UBAP2L: variants seen among roughly 807,000 people sequenced by gnomAD.
The protein encoded by UBAP2L is ubiquitin associated protein 2 like.
In UBAP2L, 12 loss-of-function variants were observed where a neutral mutation model predicts 130.6. The observed-to-expected ratio is 0.09, with a 90% CI of 0.06 to 0.15. The LOEUF (loss-of-function observed/expected upper bound fraction) is 0.15, where lower values mean the gene tolerates loss of function less well. Among genes scored for constraint, UBAP2L ranks in the 10% least tolerant of loss-of-function variants. The probability of loss-of-function intolerance (pLI) is 1.00; values close to 1 mark genes in which losing one functional copy is unlikely to be tolerated. For synonymous variants in UBAP2L, 503 were observed against 524.7 expected (o/e 0.96, Z 0.57); for missense variants, 965 against 1,332.5 (o/e 0.72, Z 4.29).
chr1:154,220,705 G>C (rs1665598579), upstream of UBAP2L: 2 of 443,684 alleles, frequency 4.5e-6, no homozygotes, highest in Non-Finnish European at 8.2e-6. Flanking sequence ...GGCCATCCGT[G>C]CGTCACGTGG....
At chr1:154,229,753 C>T (rs1318541873) in intron 4 of UBAP2L, among the ~76,000 whole-genome samples, 2 of 152,180 alleles carry the variant, frequency 1.3e-5, no homozygotes, top group Admixed American at 6.5e-5. Flanking sequence ...CATGAGCCAC[C>T]GCACCTGGCC....
chr1:154,229,233 G>GAAAC (rs540016769), intron 4 of UBAP2L, among the ~76,000 whole-genome samples: 244 of 152,202 alleles, frequency 1.6e-3, no homozygotes, highest in African/African-American at 5.6e-3. Context: ...AGGTAGCAGA[G>GAAAC]AAACAAGCTT....
In UBAP2L at chr1:154,243,261, G is replaced by A; in HGVS notation, c.801G>A (p.Val267=). The change falls in exon 10 of 27, where the codon GTG becomes GTA. Residue 267 remains valine, a synonymous_variant. Coordinates refer to ENST00000428931, the MANE Select transcript of UBAP2L (RefSeq NM_014847.4). ...KIFTASNVSS[V]PLPAENVTIT... is the part of the protein sequence containing the mutation. The stretch of plus-strand genomic sequence containing the variant: ...TCACTGCCTCTAATGTGTCTTCAGT[G>A]CCTCTGCCTGCGGAGAATGTGACAA... 6 of 1,612,006 alleles carry A rather than the reference G, an allele frequency of 3.7e-6. No homozygotes were observed. Among genetic ancestry groups the A allele is most frequent in the Non-Finnish European group, 5.1e-6 (6 of 1,178,448 alleles).
chr1:154,255,114 T>C, intron 16 of UBAP2L, 38 bp from the exon 17 acceptor site: 1 of 1,608,242 alleles, frequency 6.2e-7, no homozygotes, highest in Non-Finnish European at 8.5e-7. Context: ...CATTCCCTTT[T>C]TTCTGATGAG....
At chr1:154,271,195 CAAG>C, downstream of UBAP2L, 1 of 411,660 alleles carries the variant, frequency 2.4e-6, no homozygotes, top group African/African-American at 2.0e-5. Flanking sequence ...TGGAGAGGAT[CAAG>C]AAGGAGCTGA....
intron 24 of UBAP2L, 140 bp downstream of exon 24, chr1:154,261,837 G>A: frequency 3.8e-6 from 3 of 786,270 alleles, no homozygotes; most frequent in South Asian, 1.7e-5. Context: ...ATGCTTGGCT[G>A]ACTTGGGTAT....
At chr1:154,265,322 C>T (rs1288799273) in intron 24 of UBAP2L, among the ~76,000 whole-genome samples, 1 of 152,178 alleles carries the variant, frequency 6.6e-6, no homozygotes, top group Non-Finnish European at 1.5e-5. Context: ...CTCTAGTACA[C>T]TGCTTCTAAA....
At chr1:154,226,117 C>A (rs1667859293) in intron 2 of UBAP2L, among the ~76,000 whole-genome samples, 1 of 152,186 alleles carries the variant, frequency 6.6e-6, no homozygotes, top group African/African-American at 2.4e-5. Flanking sequence ...CCCTGCCCCA[C>A]CTTGATACCT....
At chr1:154,250,889 C>G (rs1425686160) in intron 12 of UBAP2L, 152 bp from the exon 13 acceptor site, 1 of 642,794 alleles carries the variant, frequency 1.6e-6, no homozygotes, top group Non-Finnish European at 2.5e-6. Flanking sequence ...GTGATTGTCA[C>G]CTATAGAAAT....
At chr1:154,270,121 C>T in intron 26 of UBAP2L, 79 bp from the exon 27 acceptor site, 6 of 1,490,440 alleles carry the variant, frequency 4.0e-6, no homozygotes, top group Non-Finnish European at 4.5e-6. Context: ...GTTTGCACAT[C>T]TCCACCTGAA....
At chr1:154,236,265 C>G (rs1251850740) in intron 6 of UBAP2L, among the ~76,000 whole-genome samples, 1 of 152,162 alleles carries the variant, frequency 6.6e-6, no homozygotes, top group African/African-American at 2.4e-5. Context: ...GTAGTGCGGT[C>G]TTAGCTCACT....
At chr1:154,230,861 C>G (rs1192724799) in intron 4 of UBAP2L, among the ~76,000 whole-genome samples, 1 of 152,206 alleles carries the variant, frequency 6.6e-6, no homozygotes, top group East Asian at 1.9e-4. Flanking sequence ...GTAATTCTTT[C>G]TCCTGACCCA....
chr1:154,249,967 C>T (rs1375580291), intron 12 of UBAP2L, among the ~76,000 whole-genome samples: 2 of 151,836 alleles, frequency 1.3e-5, no homozygotes, highest in Admixed American at 6.6e-5. Context: ...GATTTATCTT[C>T]AGTGTTTGAA....
chr1:154,251,019 T>C (rs1461323361), intron 12 of UBAP2L, 22 bp from the exon 13 acceptor site: 3 of 1,592,346 alleles, frequency 1.9e-6, no homozygotes, highest in Non-Finnish European at 2.6e-6. Flanking sequence ...TCTGGCTTCA[T>C]ATACTGGGTT....
chr1:154,264,028 A>G (rs544052692), intron 24 of UBAP2L, among the ~76,000 whole-genome samples: 41 of 152,304 alleles, frequency 2.7e-4, no homozygotes, highest in Admixed American at 5.2e-4. Flanking sequence ...CTTTTCAGAG[A>G]TCGTGGATTA....
At chr1:154,266,440 C>G in intron 24 of UBAP2L, 61 bp from the exon 25 acceptor site, 1 of 1,560,566 alleles carries the variant, frequency 6.4e-7, no homozygotes. Flanking sequence ...CACCTCATCT[C>G]AGGAATAAGG....
chr1:154,258,892 C>G (rs1440565053), intron 20 of UBAP2L, 85 bp from the exon 21 acceptor site: 7 of 1,085,792 alleles, frequency 6.4e-6, no homozygotes, highest in African/African-American at 4.7e-5. Context: ...GATGAATGTT[C>G]TGTTGAATTA....
chr1:154,261,279 G>A lies in UBAP2L; in HGVS notation c.2796+170G>A, dbSNP rs918510814. ...TGGTGGGGGAATGGGGCTGGAATTG[G>A]TGGAATTAGGATAGGGATTGCCTAG... is the stretch of plus-strand genomic sequence containing the variant. On this transcript the variant is annotated intron_variant, in intron 23 of 26. Transcript: ENST00000428931. Among the ~76,000 whole-genome samples, 5 of 152,304 alleles carry A rather than the reference G, an allele frequency of 3.3e-5. No individual in the cohort carries two copies. The South Asian group carries it at 1.0e-3, about 32-fold the overall frequency.
intron 8 of UBAP2L, among the ~76,000 whole-genome samples, chr1:154,239,913 A>G (rs888302339): frequency 1.3e-5 from 2 of 152,212 alleles, no homozygotes; most frequent in Non-Finnish European, 2.9e-5. Context: ...GTCATTATTA[A>G]GTGGTTTAGG....
Sources: gnomAD v4.1 joint callset for allele counts (sites outside exome capture counted in the v4.1 genomes callset) on GRCh38, gnomAD v4.1.1 for gene constraint, MANE v1.5 for transcripts, NCBI Gene and HGNC (gene_info 2026-07-23, HGNC 2026-07-21) for gene names.